PCDHA5: variants seen among roughly 807,000 people sequenced by gnomAD.
PCDHA5 encodes protocadherin alpha 5.
PCDHA5 carries 43 observed loss-of-function variants against 61.6 expected under a neutral mutation model. That is an observed-to-expected ratio of 0.70 (90% CI 0.55 to 0.90). PCDHA5 has a LOEUF of 0.90. Ranked by LOEUF, PCDHA5 falls within the 40% of genes least tolerant of loss-of-function variation. PCDHA5 has a pLI of 0.00. For synonymous variants in PCDHA5, 627 were observed against 543.9 expected, an observed-to-expected ratio of 1.15 and a Z score of -2.13; for missense variants, 1,298 against 1,222.7, an observed-to-expected ratio of 1.06 and a Z score of -0.92.
intron 1 of PCDHA5, chr5:140,831,149 C>A (rs2150192022): frequency 6.6e-6 from 1 of 152,098 alleles, no homozygotes; most frequent in Non-Finnish European, 1.5e-5. Flanking sequence ...TATTTACTAC[C>A]GATCTAAATA....
chr5:140,926,767 C>T (rs1323702990), intron 1 of PCDHA5: 8 of 1,358,906 alleles, frequency 5.9e-6, no homozygotes, highest in Admixed American at 3.2e-5. Context: ...AGTATCCAGC[C>T]CGCAGCAGTG....
intron 3 of PCDHA5, among the ~76,000 whole-genome samples, chr5:140,990,831 A>G (rs1004872074): frequency 6.6e-6 from 1 of 152,192 alleles, no homozygotes; most frequent in Non-Finnish European, 1.5e-5. Context: ...GCTAAAGCCT[A>G]TTAGCAAAAA....
chr5:140,967,026 C>G, intron 1 of PCDHA5: 2 of 1,608,434 alleles, frequency 1.2e-6, no homozygotes, highest in East Asian at 4.5e-5. Flanking sequence ...GCGCCCAGTC[C>G]GCGCTACCTG....
intron 1 of PCDHA5, chr5:140,828,775 G>A (rs1769936182): frequency 1.2e-6 from 2 of 1,614,158 alleles, no homozygotes; most frequent in South Asian, 2.2e-5. Context: ...CTGTTCAGCT[G>A]CTGGTCACAG....
At chr5:140,830,163 C>A in intron 1 of PCDHA5, 1 of 1,613,430 alleles carries the variant, frequency 6.2e-7, no homozygotes, top group Non-Finnish European at 8.5e-7. Flanking sequence ...GGCCCAGAGG[C>A]GGCGCTGGTG....
chr5:140,927,077 G>A (rs568623488), intron 1 of PCDHA5: 1 of 1,610,844 alleles, frequency 6.2e-7, no homozygotes, highest in Non-Finnish European at 8.5e-7. Context: ...TCCAGCCACC[G>A]CGAGCTCTAC....
chr5:140,839,229 TTTTTATTGCTTTGC>T (rs2150295605), intron 1 of PCDHA5, among the ~76,000 whole-genome samples: 8 of 151,928 alleles, frequency 5.3e-5, no homozygotes, highest in Non-Finnish European at 1.0e-4. Context: ...CTGTAATCTG[TTTTTATTGCTTTGC>T]TTTTATGCTT....
chr5:140,968,521 C>G, intron 1 of PCDHA5: 1 of 1,614,180 alleles, frequency 6.2e-7, no homozygotes, highest in Non-Finnish European at 8.5e-7. Context: ...CTACCTCAAC[C>G]AACTCGTCAG....
chr5:140,851,284 A>G, intron 1 of PCDHA5: 1 of 1,040,350 alleles, frequency 9.6e-7, no homozygotes, highest in East Asian at 5.3e-5. Context: ...TTTATAAGAA[A>G]CCCAAGCAAA....
rs192388233 is a variant in PCDHA5 at position 140,869,206 on chromosome 5, G to C, written c.2352+45079G>C. 4,858 of 1,613,972 alleles carry C rather than the reference G, an allele frequency of 3.0e-3. 14 individuals carry two copies. The highest frequency in any genetic ancestry group is 3.0e-3 in the Non-Finnish European group (3,497 of 1,179,950). On this transcript the variant is annotated intron_variant, in intron 1 of 3. Transcript: ENST00000529859. ...GGGGAGCGGCCAGCTCCACTACTCC[G>C]TCTCGGAGGAGGCCAAACACGGCAC...
chr5:140,899,654 G>C (rs1429177993), intron 1 of PCDHA5, among the ~76,000 whole-genome samples: 1 of 152,158 alleles, frequency 6.6e-6, no homozygotes, highest in African/African-American at 2.4e-5. Context: ...ATTTGGTTGT[G>C]TCTCTGCCCG....
intron 1 of PCDHA5, among the ~76,000 whole-genome samples, chr5:140,945,222 A>T (rs1019202574): frequency 4.6e-5 from 7 of 152,260 alleles, no homozygotes; most frequent in Middle Eastern, 6.8e-3. Context: ...AAATAAAAAT[A>T]CTTAGGAATA....
At chr5:140,916,665 G>A (rs1166692195) in intron 1 of PCDHA5, among the ~76,000 whole-genome samples, 2 of 152,184 alleles carry the variant, frequency 1.3e-5, no homozygotes, top group Non-Finnish European at 2.9e-5. Flanking sequence ...CAAGATGCAA[G>A]ACAAAGTCCT....
intron 1 of PCDHA5, chr5:140,842,977 G>C: frequency 6.3e-7 from 1 of 1,595,034 alleles, no homozygotes; most frequent in Non-Finnish European, 8.6e-7. Context: ...TGACGCTGCA[G>C]GTGTTCGTGC....
At chr5:140,899,201 G>T (rs1400966236) in intron 1 of PCDHA5, among the ~76,000 whole-genome samples, 5 of 151,818 alleles carry the variant, frequency 3.3e-5, no homozygotes, top group Admixed American at 6.6e-5. Context: ...CTGCCTAATT[G>T]CCCTGGCCAG....
chr5:140,833,764 A>ACACACG (rs564524139), intron 1 of PCDHA5, among the ~76,000 whole-genome samples: 1 of 151,920 alleles, frequency 6.6e-6, no homozygotes, highest in African/African-American at 2.4e-5. Flanking sequence ...ACACACACAC[A>ACACACG]CACCGCTTTC....
chr5:140,840,441 T>C (rs1163219857), intron 1 of PCDHA5, among the ~76,000 whole-genome samples: 1 of 151,848 alleles, frequency 6.6e-6, no homozygotes, highest in Non-Finnish European at 1.5e-5. Context: ...GCCGTGGAAA[T>C]AGAAACGTTA....
At chr5:140,968,133 A>C in intron 1 of PCDHA5, 6 of 1,614,140 alleles carry the variant, frequency 3.7e-6, no homozygotes, top group Non-Finnish European at 5.1e-6. Context: ...CGTACACTGA[A>C]GGTTGAGATC....
chr5:140,934,868 G>A (rs2090080725), intron 1 of PCDHA5, among the ~76,000 whole-genome samples: 1 of 152,128 alleles, frequency 6.6e-6, no homozygotes, highest in African/African-American at 2.4e-5. Flanking sequence ...CTTTGTGAGT[G>A]TGTTTGTGTA....
Sources: allele counts gnomAD v4.1 joint callset (sites outside exome capture counted in the v4.1 genomes callset), GRCh38; gene constraint gnomAD v4.1.1; transcripts MANE v1.5; gene names NCBI Gene and HGNC (gene_info 2026-07-23, HGNC 2026-07-21).